Variants in MGAT5 observed in about 807,000 individuals in gnomAD.
MGAT5 encodes the protein alpha-1,6-mannosylglycoprotein 6-beta-N-acetylglucosaminyltransferase A.
A neutral mutation model predicts 94.3 loss-of-function variants in MGAT5; 30 were observed. The observed-to-expected ratio is 0.32, with a 90% confidence interval of 0.24 to 0.43. MGAT5 has a LOEUF of 0.43. Ranked by LOEUF, MGAT5 falls within the 20% of genes least tolerant of loss-of-function variation. MGAT5 has a pLI of 1.00. For missense variants in MGAT5, 691 were observed against 905.5 expected (o/e 0.76, Z 3.04); for synonymous variants, 310 against 322.9 (o/e 0.96, Z 0.43).
At chr2:134,255,253 C>T (rs2105517725) in intron 1 of MGAT5, among the ~76,000 whole-genome samples, 1 of 151,852 alleles carries the variant, frequency 6.6e-6, no homozygotes, top group Admixed American at 6.5e-5. Flanking sequence ...GAATTTTTTT[C>T]AGAATTCTTT....
At chr2:134,333,475 T>G (rs1322052997) in intron 4 of MGAT5, among the ~76,000 whole-genome samples, 2 of 149,832 alleles carry the variant, frequency 1.3e-5, no homozygotes, top group Non-Finnish European at 3.0e-5. Context: ...AGGAGATATA[T>G]CTAATGCTAA....
intron 1 of MGAT5, among the ~76,000 whole-genome samples, chr2:134,235,002 T>A (rs1681561114): frequency 1.3e-5 from 2 of 150,316 alleles, no homozygotes; most frequent in South Asian, 4.2e-4. Flanking sequence ...TTTTTTTTAA[T>A]CTAAATTAGC....
intron 10 of MGAT5, among the ~76,000 whole-genome samples, chr2:134,397,473 T>G (rs1369055818): frequency 1.3e-5 from 2 of 152,118 alleles, no homozygotes; most frequent in African/African-American, 4.8e-5. Context: ...GAGCTCTACC[T>G]TGGAATAGTG....
chr2:134,441,684 A>G, intron 14 of MGAT5, 74 bp from the exon 15 acceptor site: 1 of 1,520,648 alleles, frequency 6.6e-7, no homozygotes, highest in Non-Finnish European at 9.0e-7. Context: ...CTCCATTGCT[A>G]GGGTGGTTGG....
At chr2:134,436,646 A>G (rs975959979) in intron 14 of MGAT5, among the ~76,000 whole-genome samples, 2 of 152,164 alleles carry the variant, frequency 1.3e-5, no homozygotes, top group African/African-American at 4.8e-5. Context: ...GTGTCCATTC[A>G]TCTAGGGCTG....
chr2:134,143,665 A>C (rs913180660), intron 1 of MGAT5, among the ~76,000 whole-genome samples: 2 of 152,200 alleles, frequency 1.3e-5, no homozygotes, highest in African/African-American at 4.8e-5. Flanking sequence ...TGGTTGGCTG[A>C]GGATAAAGGG....
At chr2:134,407,244 C>T (rs902878134) in intron 11 of MGAT5, among the ~76,000 whole-genome samples, 1 of 152,160 alleles carries the variant, frequency 6.6e-6, no homozygotes, top group Non-Finnish European at 1.5e-5. Flanking sequence ...TTAGGAGGAG[C>T]AGTCCTTCTT....
chr2:134,235,731 T>TTTTTTTTTTTTTTTTTG (rs1681606563), intron 1 of MGAT5, among the ~76,000 whole-genome samples: 1 of 151,748 alleles, frequency 6.6e-6, no homozygotes. Flanking sequence ...AATAGGGGTT[T>TTTTTTTTTTTTTTTTTG]TTTTTTTTTG....
intron 4 of MGAT5, among the ~76,000 whole-genome samples, chr2:134,327,545 C>G (rs1573815154): frequency 1.3e-5 from 2 of 152,126 alleles, no homozygotes; most frequent in Non-Finnish European, 2.9e-5. Flanking sequence ...GACAAAGGAG[C>G]TGTTCCAGCC....
At position 134,381,536 on chromosome 2, in the gene MGAT5, C is replaced by CAGACAGATAGATAGATAGATAGATAGAT. The variant is rs59821586; in HGVS notation, c.1380+19131_1380+19132insCAGATAGATAGATAGATAGATAGATAGA. Among the ~76,000 whole-genome samples the CAGACAGATAGATAGATAGATAGATAGAT allele has an allele frequency of 4.0e-3, 586 of 146,958 alleles. 4 individuals carry two copies. The highest frequency in any genetic ancestry group is 0.011 in the Admixed American group (164 of 14,576). On this transcript the variant is annotated intron_variant, in intron 10 of 15. Coordinates refer to ENST00000281923, the MANE Select transcript of MGAT5 (RefSeq NM_002410.5). ...CCAGACAGACAGACAGACAGACAGA[C>CAGACAGATAGATAGATAGATAGATAGAT]AGATAGATAGATAGATAGATAGCAC...
intron 4 of MGAT5, among the ~76,000 whole-genome samples, chr2:134,327,995 G>A (rs918548407): frequency 6.6e-6 from 1 of 152,120 alleles, no homozygotes; most frequent in Admixed American, 6.6e-5. Flanking sequence ...GCATCCAGTG[G>A]GAGCTGTGCC....
chr2:134,449,751 A>G lies in MGAT5; in HGVS notation c.*904A>G, dbSNP rs1327046071. 6.6e-6 allele frequency: 1 copy of G among 152,118 alleles called. No individual in the cohort carries two copies. Among genetic ancestry groups the G allele is most frequent in the African/African-American group, 2.4e-5 (1 of 41,396 alleles). 9.4% of individuals were successfully genotyped at this position (152,118 alleles called of 1,614,324 possible). ...ATGAGGAGGAAAGTAGAGATGAAAG[A>G]CTCACGCTGTTCATGGACTTGGAGA... On this transcript the variant is annotated 3_prime_UTR_variant, in exon 16 of 16. Coordinates refer to ENST00000281923, the MANE Select transcript of MGAT5 (RefSeq NM_002410.5).
intron 10 of MGAT5, among the ~76,000 whole-genome samples, chr2:134,372,210 C>G (rs1309016826): frequency 1.3e-5 from 2 of 152,210 alleles, no homozygotes; most frequent in Non-Finnish European, 2.9e-5. Flanking sequence ...GCAACCACAT[C>G]AGGCTGTAGA....
In MGAT5 at chr2:134,338,390, G is replaced by A; in HGVS notation, c.777G>A (p.Lys259=). ...AAGCAATCAAGTCCCTGGCAGAAAA[G>A]CAGAACCTTGAAAAGAGAAAGCGGA... ...WIQAIKSLAE[K]QNLEKRKRKK... The change falls in exon 6 of 16, where the codon AAG becomes AAA. Residue 259 remains lysine (K), a synonymous_variant. Transcript: ENST00000281923. The A allele has an allele frequency of 6.2e-7, 1 of 1,610,150 alleles. No homozygotes were observed. The highest frequency in any genetic ancestry group is 1.1e-5 in the South Asian group (1 of 90,142).
intron 11 of MGAT5, among the ~76,000 whole-genome samples, chr2:134,409,841 T>C (rs1201049661): frequency 6.6e-6 from 1 of 152,222 alleles, no homozygotes; most frequent in African/African-American, 2.4e-5. Flanking sequence ...CCCAATCCTA[T>C]ACTGTGAAGA....
chr2:134,154,957 C>G (rs2105031953), intron 1 of MGAT5, among the ~76,000 whole-genome samples: 1 of 152,244 alleles, frequency 6.6e-6, no homozygotes, highest in South Asian at 2.1e-4. Context: ...AAACAAAGAA[C>G]AGACTTTTTC....
At chr2:134,428,821 C>G (rs1414761781) in intron 14 of MGAT5, among the ~76,000 whole-genome samples, 1 of 152,140 alleles carries the variant, frequency 6.6e-6, no homozygotes, top group Non-Finnish European at 1.5e-5. Context: ...TTCAGCAATT[C>G]TAAATGTTAG....
At chr2:134,404,563 C>T (rs1467462985) in intron 11 of MGAT5, among the ~76,000 whole-genome samples, 1 of 152,136 alleles carries the variant, frequency 6.6e-6, no homozygotes, top group Non-Finnish European at 1.5e-5. Flanking sequence ...CCTTGATGTA[C>T]TATCGTCATA....
intron 11 of MGAT5, among the ~76,000 whole-genome samples, chr2:134,412,388 A>G (rs1334090877): frequency 6.6e-6 from 1 of 152,168 alleles, no homozygotes; most frequent in East Asian, 1.9e-4. Flanking sequence ...TTGAACTGCA[A>G]TCAAACCTCC....
Sources: gnomAD v4.1 joint callset for allele counts (sites outside exome capture counted in the v4.1 genomes callset) on GRCh38, gnomAD v4.1.1 for gene constraint, MANE v1.5 for transcripts, NCBI Gene and HGNC (gene_info 2026-07-23, HGNC 2026-07-21) for gene names.